The following GARIN1A variants were observed in gnomAD, a reference collection of about 807,000 sequenced individuals.
GARIN1A encodes the protein golgi associated RAB2 interactor 1A, also known as Golgi-associated RAB2 interactor protein 1A.
the GARIN1A span, among the ~76,000 whole-genome samples, chr7:128,681,474 T>TCCC: frequency 9.7e-6 from 1 of 103,418 alleles, no homozygotes; most frequent in Admixed American, 1.4e-4. Flanking sequence ...TCCCCTCTCC[T>TCCC]CTCCTCCTTT....
chr7:128,692,378 C>G, the GARIN1A span, among the ~76,000 whole-genome samples: 7 of 152,206 alleles, frequency 4.6e-5, no homozygotes, highest in African/African-American at 1.7e-4. Context: ...GAAACAACAG[C>G]CCTTGCTGAC....
At chr7:128,697,248 C>T in the GARIN1A span, among the ~76,000 whole-genome samples, 1 of 152,210 alleles carries the variant, frequency 6.6e-6, no homozygotes, top group African/African-American at 2.4e-5. Flanking sequence ...CCAGAATTCT[C>T]CCTACAGGTC....
At chr7:128,675,651 C>T in the GARIN1A span, 1 of 1,611,962 alleles carries the variant, frequency 6.2e-7, no homozygotes, top group Admixed American at 1.7e-5. Flanking sequence ...CTTTCTGACC[C>T]ATGTACCTGA....
the GARIN1A span, among the ~76,000 whole-genome samples, chr7:128,689,377 C>T: frequency 6.6e-6 from 1 of 151,350 alleles, no homozygotes; most frequent in East Asian, 2.0e-4. Context: ...CCCGGCCGCC[C>T]ATCGTCTGAG....
the GARIN1A span, among the ~76,000 whole-genome samples, chr7:128,682,722 C>T: frequency 7.2e-5 from 11 of 152,058 alleles, no homozygotes; most frequent in East Asian, 3.9e-4. Context: ...GAATTACAGG[C>T]GTGTGCCACA....
the GARIN1A span, among the ~76,000 whole-genome samples, chr7:128,688,805 A>T: frequency 2.0e-5 from 1 of 50,028 alleles, no homozygotes; most frequent in Admixed American, 3.0e-4. Flanking sequence ...CCCTCTCCCC[A>T]CAGTCTCCCT....
the GARIN1A span, among the ~76,000 whole-genome samples, chr7:128,701,786 CAG>C: frequency 6.6e-6 from 1 of 152,066 alleles, no homozygotes; most frequent in Non-Finnish European, 1.5e-5. Context: ...GAACAAAGAA[CAG>C]GGGAGCTGAA....
the GARIN1A span, chr7:128,675,817 C>T: frequency 6.2e-7 from 1 of 1,613,856 alleles, no homozygotes; most frequent in Admixed American, 1.7e-5. Flanking sequence ...CCATTTACCA[C>T]CTGGAGCACA....
chr7:128,674,023 A>G, the GARIN1A span, among the ~76,000 whole-genome samples: 1 of 152,112 alleles, frequency 6.6e-6, no homozygotes, highest in South Asian at 2.1e-4. Flanking sequence ...CCTCCCGAGT[A>G]GCTAGGACCA....
chr7:128,704,787 C>T, the GARIN1A span, among the ~76,000 whole-genome samples: 5 of 152,232 alleles, frequency 3.3e-5, no homozygotes, highest in Admixed American at 3.3e-4. Context: ...CGGCCACTCA[C>T]CTCCTGCTGT....
chr7:128,701,151 G>T, the GARIN1A span, among the ~76,000 whole-genome samples: 1 of 151,098 alleles, frequency 6.6e-6, no homozygotes, highest in Non-Finnish European at 1.5e-5. Flanking sequence ...TTAAAATCCA[G>T]GTGTAAGTGG....
the GARIN1A span, chr7:128,677,846 A>AATAAGTATAT: frequency 6.3e-7 from 1 of 1,578,214 alleles, no homozygotes; most frequent in South Asian, 1.1e-5. Flanking sequence ...CCTGTCGAGA[A>AATAAGTATAT]ATAAGTATAT....
At chr7:128,673,363 GCA>G in the GARIN1A span, among the ~76,000 whole-genome samples, 1 of 152,116 alleles carries the variant, frequency 6.6e-6, no homozygotes, top group Non-Finnish European at 1.5e-5. Context: ...GGTGCTGGGG[GCA>G]TTCATTCAAG....
At chr7:128,677,792 C>T in the GARIN1A span, 2 of 1,613,598 alleles carry the variant, frequency 1.2e-6, no homozygotes, top group Admixed American at 3.3e-5. Flanking sequence ...CCAAGATGCC[C>T]ACCAACTCCA....
At chr7:128,673,872 T>C in the GARIN1A span, among the ~76,000 whole-genome samples, 1 of 152,086 alleles carries the variant, frequency 6.6e-6, no homozygotes, top group East Asian at 1.9e-4. Context: ...TCATTTCTAT[T>C]TGGGTGTAAT....
chr7:128,672,640 CCCT>C, the GARIN1A span: 1 of 282,338 alleles, frequency 3.5e-6, no homozygotes. Flanking sequence ...CCTTTTAAAG[CCCT>C]GGGGGAGGGG....
chr7:128,705,620 C>T, the GARIN1A span, among the ~76,000 whole-genome samples: 1 of 150,574 alleles, frequency 6.6e-6, no homozygotes, highest in Admixed American at 6.6e-5. Context: ...GAATCAGCCG[C>T]AACACTGATG....
chr7:128,691,309 C>T, the GARIN1A span: 1 of 152,162 alleles, frequency 6.6e-6, no homozygotes. Context: ...GTCTGGTTTC[C>T]AGGTGGGTTT....
chr7:128,672,376 A>C, the GARIN1A span: 1 of 1,597,130 alleles, frequency 6.3e-7, no homozygotes, highest in Non-Finnish European at 8.5e-7. Flanking sequence ...AATGTTCCCA[A>C]GCCCATTCTT....
Sources: gnomAD v4.1 joint callset for allele counts (sites outside exome capture counted in the v4.1 genomes callset) on GRCh38, gnomAD v4.1.1 for gene constraint, MANE v1.5 for transcripts, NCBI Gene and HGNC (gene_info 2026-07-23, HGNC 2026-07-21) for gene names.